The following EYA1 variants were observed in gnomAD, a reference collection of about 807,000 sequenced individuals.
EYA1 encodes the protein EYA transcriptional coactivator and phosphatase 1, also known as protein phosphatase EYA1.
A neutral mutation model predicts 82.0 loss-of-function variants in EYA1; 16 were observed. The ratio of observed to expected loss-of-function variants is 0.20; its 90% CI spans 0.13 to 0.30. EYA1 has a LOEUF of 0.30. Among genes scored for constraint, EYA1 ranks in the 10% least tolerant of loss-of-function variants. The pLI is 1.00. For missense variants in EYA1, 633 were observed against 730.7 expected (o/e 0.87, Z 1.54); for synonymous variants, 261 against 264.4 (o/e 0.99, Z 0.12).
chr8:71,201,686 C>G (rs558205277), intron 17 of EYA1, among the ~76,000 whole-genome samples: 112 of 152,268 alleles, frequency 7.4e-4, no homozygotes, highest in African/African-American at 2.6e-3. Flanking sequence ...ATGTGTTTAT[C>G]AAGTATGTTC....
At chr8:71,312,073 A>C (rs1429836968) in intron 7 of EYA1, among the ~76,000 whole-genome samples, 1 of 152,222 alleles carries the variant, frequency 6.6e-6, no homozygotes, top group Non-Finnish European at 1.5e-5. Context: ...ATCTGCTCTT[A>C]AAAGGCTGTG....
At chr8:71,487,051 T>G (rs1229970891) in intron 2 of EYA1, among the ~76,000 whole-genome samples, 2 of 145,546 alleles carry the variant, frequency 1.4e-5, no homozygotes, top group African/African-American at 5.1e-5. Flanking sequence ...ACATACCTAA[T>G]AAGCAGTTTG....
intron 2 of EYA1, among the ~76,000 whole-genome samples, chr8:71,523,179 CTT>C (rs1160944112): frequency 1.7e-5 from 2 of 119,758 alleles, no homozygotes; most frequent in African/African-American, 2.9e-5. Flanking sequence ...TTTTCTTTTT[CTT>C]TTTTTTTTTT....
intron 2 of EYA1, among the ~76,000 whole-genome samples, chr8:71,503,129 G>A (rs1440570917): frequency 3.9e-5 from 6 of 152,090 alleles, no homozygotes; most frequent in African/African-American, 1.4e-4. Context: ...CTGACTTACA[G>A]GGGCCTTTCA....
At chr8:71,411,925 C>A (rs1283183273) in intron 2 of EYA1, among the ~76,000 whole-genome samples, 1 of 150,922 alleles carries the variant, frequency 6.6e-6, no homozygotes. Flanking sequence ...AAGACACATG[C>A]ACACGTATGT....
intron 2 of EYA1, among the ~76,000 whole-genome samples, chr8:71,445,851 C>T (rs915738224): frequency 6.6e-6 from 1 of 152,140 alleles, no homozygotes; most frequent in African/African-American, 2.4e-5. Context: ...CCACGCCTGG[C>T]TCATTCTAAA....
intron 12 of EYA1, among the ~76,000 whole-genome samples, chr8:71,240,529 C>G (rs193091757): frequency 6.6e-6 from 1 of 152,082 alleles, no homozygotes; most frequent in Non-Finnish European, 1.5e-5. Context: ...CTCACAGACA[C>G]GAGAGGAGGG....
intron 2 of EYA1, among the ~76,000 whole-genome samples, chr8:71,379,305 C>A (rs1441170334): frequency 6.6e-6 from 1 of 152,062 alleles, no homozygotes; most frequent in Admixed American, 6.6e-5. Context: ...ATGAATACAT[C>A]TCTACAGGGG....
chr8:71,252,656 C>G (rs1172072559), intron 11 of EYA1, among the ~76,000 whole-genome samples: 1 of 152,064 alleles, frequency 6.6e-6, no homozygotes, highest in East Asian at 1.9e-4. Context: ...GGAAAGATGA[C>G]CCAACTCTAG....
chr8:71,350,965 TAACACAAATATC>T (rs1826250621), intron 3 of EYA1, among the ~76,000 whole-genome samples: 1 of 152,170 alleles, frequency 6.6e-6, no homozygotes, highest in Admixed American at 6.5e-5. Context: ...TTCTCATGCT[TAACACAAATATC>T]AACACAAAGC....
chr8:71,412,412 AAAAT>A (rs1830651271), intron 2 of EYA1, among the ~76,000 whole-genome samples: 2 of 68,598 alleles, frequency 2.9e-5, no homozygotes, highest in Non-Finnish European at 8.7e-5. Context: ...AATAAAAAAT[AAAAT>A]AAAATAAAAT....
chr8:71,398,477 G>T (rs1490024554), intron 2 of EYA1, among the ~76,000 whole-genome samples: 1 of 152,154 alleles, frequency 6.6e-6, no homozygotes. Context: ...TGGGGTTTTG[G>T]TGTGGATGTC....
At chr8:71,251,288 G>A (rs779107493) in intron 11 of EYA1, among the ~76,000 whole-genome samples, 18 of 152,244 alleles carry the variant, frequency 1.2e-4, no homozygotes, top group Middle Eastern at 3.4e-3. Context: ...ACAGTCAACT[G>A]TTTTATCAAT....
At chr8:71,274,928 G>GAGCGAGAGCATGAGAGCA (rs57341151) in intron 9 of EYA1, among the ~76,000 whole-genome samples, 2 of 151,772 alleles carry the variant, frequency 1.3e-5, no homozygotes, top group Non-Finnish European at 2.9e-5. Flanking sequence ...GAGAGAATGA[G>GAGCGAGAGCATGAGAGCA]AGCGAGTGAA....
At chr8:71,207,289 C>CTT (rs1228718317) in intron 17 of EYA1, among the ~76,000 whole-genome samples, 2 of 152,164 alleles carry the variant, frequency 1.3e-5, no homozygotes, top group Non-Finnish European at 2.9e-5. Flanking sequence ...ATCCTTGTCT[C>CTT]TTAACTCATA....
chr8:71,314,261 T>C (rs1821661122), intron 7 of EYA1, among the ~76,000 whole-genome samples: 1 of 152,146 alleles, frequency 6.6e-6, no homozygotes, highest in Non-Finnish European at 1.5e-5. Context: ...CGCAACTAGG[T>C]GCACAAAATC....
intron 2 of EYA1, among the ~76,000 whole-genome samples, chr8:71,492,096 C>T (rs1425939246): frequency 6.6e-6 from 1 of 152,080 alleles, no homozygotes; most frequent in Non-Finnish European, 1.5e-5. Flanking sequence ...CGATGCCAGT[C>T]CATTAGCAGT....
At chr8:71,267,039 C>T (rs936362430) in intron 11 of EYA1, among the ~76,000 whole-genome samples, 2 of 152,188 alleles carry the variant, frequency 1.3e-5, no homozygotes, top group African/African-American at 4.8e-5. Context: ...ACTGCTACAA[C>T]CTCCAATTTG....
chr8:71,512,685 A>G (rs1434653426), intron 2 of EYA1, among the ~76,000 whole-genome samples: 1 of 152,226 alleles, frequency 6.6e-6, no homozygotes, highest in African/African-American at 2.4e-5. Context: ...TGAGCATCTA[A>G]AAGGAATCAA....
Sources: allele counts gnomAD v4.1 joint callset (sites outside exome capture counted in the v4.1 genomes callset), GRCh38; gene constraint gnomAD v4.1.1; transcripts MANE v1.5; gene names NCBI Gene and HGNC (gene_info 2026-07-23, HGNC 2026-07-21).